The following EYS variants were observed in gnomAD, a reference collection of about 807,000 sequenced individuals.
EYS encodes EGF-like photoreceptor maintenance factor, also known as protein eyes shut homolog.
A neutral mutation model predicts 282.1 loss-of-function variants in EYS; 250 were observed. The observed-to-expected ratio is 0.89, with a 90% confidence interval of 0.80 to 0.98. The LOEUF (loss-of-function observed/expected upper bound fraction) is 0.98, where lower values mean the gene tolerates loss of function less well. Ranked by LOEUF, EYS falls within the 50% of genes least tolerant of loss-of-function variation. EYS has a pLI of 0.00. For missense variants in EYS, 4,016 were observed against 3,709.0 expected, an observed-to-expected ratio of 1.08 and a Z score of -2.15; for synonymous variants, 1,355 against 1,282.9, an observed-to-expected ratio of 1.06 and a Z score of -1.20.
intron 5 of EYS, among the ~76,000 whole-genome samples, chr6:65,452,527 C>T (rs1764444943): frequency 6.6e-6 from 1 of 151,848 alleles, no homozygotes; most frequent in Admixed American, 6.6e-5. Flanking sequence ...TAGTTGACTT[C>T]ACTGGGAATT....
chr6:64,745,320 T>C (rs2149964524), intron 22 of EYS, among the ~76,000 whole-genome samples: 1 of 152,296 alleles, frequency 6.6e-6, no homozygotes, highest in East Asian at 1.9e-4. Flanking sequence ...ATGGCAGTCA[T>C]TTATGGGCTT....
intron 7 of EYS, among the ~76,000 whole-genome samples, chr6:65,396,950 A>G (rs748070328): frequency 2.0e-5 from 3 of 151,808 alleles, no homozygotes; most frequent in Non-Finnish European, 2.9e-5. Context: ...CTATCTAAAT[A>G]TAAACTATTT....
At chr6:65,090,220 G>T (rs1435749410) in intron 12 of EYS, among the ~76,000 whole-genome samples, 1 of 152,044 alleles carries the variant, frequency 6.6e-6, no homozygotes, top group African/African-American at 2.4e-5. Flanking sequence ...CATGGGAGTG[G>T]CTTACCCCTT....
At chr6:65,341,729 A>C (rs114955397) in intron 10 of EYS, among the ~76,000 whole-genome samples, 1,559 of 151,376 alleles carry the variant, frequency 0.01, 28 homozygotes, top group African/African-American at 0.036. Context: ...TCATTTAAGC[A>C]TCTCCAATGC....
At chr6:64,825,720 C>T (rs781516661) in intron 19 of EYS, among the ~76,000 whole-genome samples, 2 of 151,702 alleles carry the variant, frequency 1.3e-5, no homozygotes, top group African/African-American at 2.4e-5. Context: ...CTTTTTCCCA[C>T]CTTCAAACAA....
chr6:64,055,435 A>G (rs548351442), intron 33 of EYS, among the ~76,000 whole-genome samples: 1 of 152,154 alleles, frequency 6.6e-6, no homozygotes, highest in Non-Finnish European at 1.5e-5. Flanking sequence ...TCTTTGTTTC[A>G]AAAAAGAAAC....
chr6:65,153,485 A>G (rs1361081175), intron 12 of EYS, among the ~76,000 whole-genome samples: 2 of 151,364 alleles, frequency 1.3e-5, no homozygotes, highest in African/African-American at 4.9e-5. Flanking sequence ...CAAACATTAT[A>G]TGACATGTTT....
intron 8 of EYS, among the ~76,000 whole-genome samples, chr6:65,361,699 T>C (rs1764715865): frequency 6.6e-6 from 1 of 152,076 alleles, no homozygotes; most frequent in South Asian, 2.1e-4. Flanking sequence ...CAGGTTGGTC[T>C]CCAGCTCATG....
intron 30 of EYS, among the ~76,000 whole-genome samples, chr6:64,235,375 T>G (rs1431891059): frequency 6.6e-6 from 1 of 152,042 alleles, no homozygotes; most frequent in Non-Finnish European, 1.5e-5. Context: ...TTACTGAGAA[T>G]GATGATTTCC....
intron 30 of EYS, among the ~76,000 whole-genome samples, chr6:64,247,545 A>G (rs1194458622): frequency 1.3e-5 from 2 of 152,206 alleles, no homozygotes; most frequent in African/African-American, 4.8e-5. Flanking sequence ...AAGGACTTCT[A>G]AATTACCCTC....
intron 13 of EYS, among the ~76,000 whole-genome samples, chr6:65,037,846 T>C (rs868203562): frequency 2.6e-5 from 4 of 151,880 alleles, no homozygotes; most frequent in African/African-American, 9.6e-5. Context: ...TACATGCATG[T>C]ACATATATTT....
intron 35 of EYS, among the ~76,000 whole-genome samples, chr6:63,915,020 A>G (rs1764385423): frequency 6.6e-6 from 1 of 152,226 alleles, no homozygotes; most frequent in African/African-American, 2.4e-5. Flanking sequence ...AATCTAGCTA[A>G]TATTATTGAT....
intron 2 of EYS, among the ~76,000 whole-genome samples, chr6:65,593,701 T>A (rs531406963): frequency 6.6e-6 from 1 of 152,124 alleles, no homozygotes; most frequent in African/African-American, 2.4e-5. Flanking sequence ...TTTCCCACGA[T>A]ATTATTTTTT....
At chr6:63,985,689 GA>G (rs1767325897) in intron 34 of EYS, among the ~76,000 whole-genome samples, 1 of 151,486 alleles carries the variant, frequency 6.6e-6, no homozygotes, top group African/African-American at 2.4e-5. Context: ...AAGACACAAA[GA>G]AATCACATCA....
chr6:65,158,848 A>C (rs1373397059), intron 12 of EYS, among the ~76,000 whole-genome samples: 1 of 151,016 alleles, frequency 6.6e-6, no homozygotes, highest in African/African-American at 2.4e-5. Context: ...TTCTGCCTTT[A>C]TGAATTTGCA....
intron 7 of EYS, among the ~76,000 whole-genome samples, chr6:65,389,186 A>G (rs931975905): frequency 6.6e-6 from 1 of 152,146 alleles, no homozygotes; most frequent in African/African-American, 2.4e-5. Flanking sequence ...TTTGCCAGCA[A>G]CACTGCAATA....
At chr6:64,268,223 T>C (rs553001588) in intron 30 of EYS, among the ~76,000 whole-genome samples, 2 of 152,106 alleles carry the variant, frequency 1.3e-5, no homozygotes, top group Admixed American at 6.6e-5. Flanking sequence ...ATATGAAAAG[T>C]CTCCAGTAAT....
intron 26 of EYS, among the ~76,000 whole-genome samples, chr6:64,521,256 A>G (rs1050644249): frequency 2.0e-5 from 3 of 151,800 alleles, no homozygotes; most frequent in African/African-American, 7.2e-5. Context: ...TTTGCTATGT[A>G]CAGAGGCAGA....
chr6:65,128,602 A>G (rs982288990), intron 12 of EYS, among the ~76,000 whole-genome samples: 12 of 152,052 alleles, frequency 7.9e-5, no homozygotes, highest in African/African-American at 2.9e-4. Flanking sequence ...AATAAGCAGG[A>G]ATACAGCTAA....
Sources: gnomAD v4.1 joint callset for allele counts (sites outside exome capture counted in the v4.1 genomes callset) on GRCh38, gnomAD v4.1.1 for gene constraint, MANE v1.5 for transcripts, NCBI Gene and HGNC (gene_info 2026-07-23, HGNC 2026-07-21) for gene names.